The following KCNJ3 variants were observed in gnomAD, a reference collection of about 807,000 sequenced individuals.
KCNJ3 encodes the protein G protein-activated inward rectifier potassium channel 1.
A neutral mutation model predicts 39.2 loss-of-function variants in KCNJ3; 4 were observed. That is an observed-to-expected ratio of 0.10 (90% CI 0.05 to 0.23). KCNJ3 has a LOEUF of 0.23. Among genes scored for constraint, KCNJ3 ranks in the 10% least tolerant of loss-of-function variants. KCNJ3 has a pLI of 1.00. For synonymous variants in KCNJ3, 230 were observed against 237.4 expected, an observed-to-expected ratio of 0.97 and a Z score of 0.29; for missense variants, 276 against 634.9, an observed-to-expected ratio of 0.43 and a Z score of 6.08.
At chr2:154,823,216 T>A (rs1687213593) in intron 2 of KCNJ3, among the ~76,000 whole-genome samples, 3 of 152,078 alleles carry the variant, frequency 2.0e-5, no homozygotes, top group African/African-American at 7.2e-5. Flanking sequence ...AATCCTTTAT[T>A]ACTGCACAAT....
At chr2:154,839,827 G>A (rs756094342) in intron 2 of KCNJ3, among the ~76,000 whole-genome samples, 8 of 151,908 alleles carry the variant, frequency 5.3e-5, no homozygotes, top group Admixed American at 1.3e-4. Flanking sequence ...TGTAGATTCC[G>A]GATGTTAGCC....
intron 2 of KCNJ3, among the ~76,000 whole-genome samples, chr2:154,809,547 A>G (rs2105100296): frequency 6.6e-6 from 1 of 152,322 alleles, no homozygotes; most frequent in South Asian, 2.1e-4. Context: ...TTGGATTGAC[A>G]AAGAGTGGTC....
chr2:154,810,515 T>G (rs190796615), intron 2 of KCNJ3, among the ~76,000 whole-genome samples: 25 of 151,626 alleles, frequency 1.6e-4, no homozygotes, highest in African/African-American at 5.8e-4. Context: ...AACTAAGAGA[T>G]CCAATACTTA....
Position 154,858,162 on chromosome 2 carries a change from C to G in KCNJ3, c.*2849C>G, listed in dbSNP as rs1687875306. 6.6e-6 allele frequency: 1 copy of G among 151,884 alleles called. No homozygotes were observed. Among genetic ancestry groups the G allele is most frequent in the Admixed American group, 6.6e-5 (1 of 15,234 alleles). The allele number at this position is 151,884 out of a possible 1,614,324, so 9.4% of individuals were successfully genotyped here. On this transcript the variant is annotated 3_prime_UTR_variant, in exon 3 of 3. Coordinates refer to ENST00000295101, the MANE Select transcript of KCNJ3 (RefSeq NM_002239.4). ...TGTAATTGCAGTTTAACCCTTATTT[C>G]TAGGTTGATCATAGGTCCCAGTTTA...
At position 154,713,752 on chromosome 2, in the gene KCNJ3, G is replaced by A. The variant is rs145625168; in HGVS notation, c.919+3933G>A. ...CTTGCTCTCTTTGCAACTTCTCCCAGGAGAGAGAGCACTGCTAGAGGCAAA... is the reference window on the plus strand; with the variant it reads ...CTTGCTCTCTTTGCAACTTCTCCCAAGAGAGAGAGCACTGCTAGAGGCAAA... On this transcript the variant is annotated intron_variant, in intron 2 of 2. Coordinates refer to ENST00000295101, the MANE Select transcript of KCNJ3 (RefSeq NM_002239.4). Among the ~76,000 whole-genome samples the A allele has an allele frequency of 9.7e-3, 1,470 of 152,278 alleles. 9 individuals are homozygous for A. The highest frequency in any genetic ancestry group is 0.028 in the South Asian group (134 of 4,824).
chr2:154,779,736 G>A (rs1686402606), intron 2 of KCNJ3, among the ~76,000 whole-genome samples: 1 of 151,540 alleles, frequency 6.6e-6, no homozygotes, highest in Non-Finnish European at 1.5e-5. Flanking sequence ...TAAAGACGGG[G>A]TTTCACCATG....
chr2:154,798,263 C>T (rs1260373588), intron 2 of KCNJ3, among the ~76,000 whole-genome samples: 1 of 151,550 alleles, frequency 6.6e-6, no homozygotes, highest in Non-Finnish European at 1.5e-5. Context: ...CTGCCCACTA[C>T]AACACCGAAT....
chr2:154,841,553 G>A (rs1226828401), intron 2 of KCNJ3, among the ~76,000 whole-genome samples: 5 of 152,068 alleles, frequency 3.3e-5, no homozygotes, highest in Admixed American at 1.3e-4. Flanking sequence ...CTATGAATCC[G>A]TCTGGTCCTG....
intron 2 of KCNJ3, among the ~76,000 whole-genome samples, chr2:154,740,063 C>T (rs1028911643): frequency 6.6e-6 from 1 of 151,976 alleles, no homozygotes; most frequent in African/African-American, 2.4e-5. Context: ...TAAACATAAA[C>T]TCCCCAGGTA....
chr2:154,732,687 G>A (rs955076375), intron 2 of KCNJ3, among the ~76,000 whole-genome samples: 3 of 152,112 alleles, frequency 2.0e-5, no homozygotes, highest in Non-Finnish European at 4.4e-5. Context: ...ATCTCCATGA[G>A]TTGACATCCC....
At chr2:154,743,307 C>T (rs1378120162) in intron 2 of KCNJ3, among the ~76,000 whole-genome samples, 2 of 151,640 alleles carry the variant, frequency 1.3e-5, no homozygotes, top group Admixed American at 1.3e-4. Context: ...ATGAGTCTTC[C>T]ATCAATTGTT....
At chr2:154,817,041 C>T (rs1403951339) in intron 2 of KCNJ3, among the ~76,000 whole-genome samples, 1 of 152,094 alleles carries the variant, frequency 6.6e-6, no homozygotes, top group Non-Finnish European at 1.5e-5. Context: ...TGGCAGTCCT[C>T]AGTTGTAAAA....
At chr2:154,850,008 CTTTT>C (rs373062062) in intron 2 of KCNJ3, among the ~76,000 whole-genome samples, 13 of 48,856 alleles carry the variant, frequency 2.7e-4, no homozygotes, top group East Asian at 1.9e-3. Flanking sequence ...CAGAATAAAT[CTTTT>C]TTTTTTTTTT....
At position 154,699,625 on chromosome 2, in the gene KCNJ3, A is replaced by G. The variant is rs948269394; in HGVS notation, c.702+148A>G. 8.3e-6 allele frequency: 10 copies of G among 1,205,526 alleles called. No homozygotes were observed. Among genetic ancestry groups the G allele is most frequent in the Non-Finnish European group, 1.1e-5 (10 of 887,984 alleles). 74.7% of individuals were successfully genotyped at this position (1,205,526 alleles called of 1,614,324 possible). On this transcript the variant is annotated intron_variant, in intron 1 of 2. Coordinates refer to ENST00000295101, the MANE Select transcript of KCNJ3 (RefSeq NM_002239.4). The surrounding 1 kb of genome is among the most constrained non-coding windows in gnomAD (Gnocchi z 6.4). Reference sequence around the variant, plus strand: ...CTTTTGGGGGGTTGGGGGTTGGAGGACTGGGCAAAGAATGCGGTTGACAGT... The same window carrying G: ...CTTTTGGGGGGTTGGGGGTTGGAGGGCTGGGCAAAGAATGCGGTTGACAGT...
intron 2 of KCNJ3, among the ~76,000 whole-genome samples, chr2:154,850,656 G>C (rs1318799269): frequency 1.3e-5 from 2 of 152,192 alleles, no homozygotes; most frequent in African/African-American, 4.8e-5. Flanking sequence ...AATTGGAAAT[G>C]TCTGCTATTT....
At chr2:154,768,565 T>A (rs1403813238) in intron 2 of KCNJ3, among the ~76,000 whole-genome samples, 1 of 152,204 alleles carries the variant, frequency 6.6e-6, no homozygotes, top group African/African-American at 2.4e-5. Context: ...TTGGTACCAG[T>A]ACCATGCTGT....
chr2:154,787,007 C>T (rs547781828), intron 2 of KCNJ3, among the ~76,000 whole-genome samples: 1 of 152,146 alleles, frequency 6.6e-6, no homozygotes, highest in Non-Finnish European at 1.5e-5. Flanking sequence ...TGGGAATATG[C>T]TGTTAATAAT....
chr2:154,767,447 G>A (rs1686155337), intron 2 of KCNJ3, among the ~76,000 whole-genome samples: 1 of 151,798 alleles, frequency 6.6e-6, no homozygotes. Flanking sequence ...TTGGTTTTCT[G>A]TCCTTGTGAT....
chr2:154,798,365 T>G, intron 2 of KCNJ3, among the ~76,000 whole-genome samples: 1 of 152,154 alleles, frequency 6.6e-6, no homozygotes, highest in Non-Finnish European at 1.5e-5. Context: ...TAAAATTGAG[T>G]GCAATCTCAA....
Sources: allele counts gnomAD v4.1 joint callset (sites outside exome capture counted in the v4.1 genomes callset), GRCh38; gene constraint gnomAD v4.1.1; non-coding constraint Gnocchi (gnomAD v3.1); transcripts MANE v1.5; gene names NCBI Gene and HGNC (gene_info 2026-07-23, HGNC 2026-07-21).